SCARA5: variants seen among roughly 807,000 people sequenced by gnomAD.
SCARA5 encodes scavenger receptor class A, member 5 (putative).
SCARA5 carries 45 observed loss-of-function variants against 46.3 expected under a neutral mutation model. That is an observed-to-expected ratio of 0.97 (90% CI 0.76 to 1.24). SCARA5 has a LOEUF of 1.24. Among genes scored for constraint, SCARA5 ranks in the 50% most tolerant of loss-of-function variants. SCARA5 has a pLI of 0.00. For synonymous variants in SCARA5, 333 were observed against 306.5 expected (o/e 1.09, Z -0.90); for missense variants, 680 against 689.0 (o/e 0.99, Z 0.15).
At chr8:27,948,666 G>A (rs763824937) in intron 3 of SCARA5, among the ~76,000 whole-genome samples, 64 of 152,280 alleles carry the variant, frequency 4.2e-4, no homozygotes, top group Non-Finnish European at 7.9e-4. Context: ...CCCTCTCCAA[G>A]GAAGAAAAAC....
chr8:27,875,915 T>G (rs1353707962), intron 8 of SCARA5, among the ~76,000 whole-genome samples: 1 of 152,142 alleles, frequency 6.6e-6, no homozygotes, highest in East Asian at 1.9e-4. Flanking sequence ...GCAGGAGGAT[T>G]GCTTGAGCCT....
At chr8:27,958,240 G>A (rs1808236452) in intron 3 of SCARA5, among the ~76,000 whole-genome samples, 1 of 152,200 alleles carries the variant, frequency 6.6e-6, no homozygotes, top group Admixed American at 6.5e-5. Flanking sequence ...GCATCACCCT[G>A]GGCAGTGGAA....
At chr8:27,935,508 G>T (rs1807840154) in intron 3 of SCARA5, among the ~76,000 whole-genome samples, 1 of 152,168 alleles carries the variant, frequency 6.6e-6, no homozygotes, top group Non-Finnish European at 1.5e-5. Flanking sequence ...CTGGGAGCAG[G>T]TCTCTAGGGT....
chr8:27,981,006 C>T (rs1049195921), intron 2 of SCARA5, among the ~76,000 whole-genome samples: 5 of 152,152 alleles, frequency 3.3e-5, no homozygotes, highest in African/African-American at 9.7e-5. Context: ...TCATCTCTCC[C>T]TCTCCTTCTT....
intron 1 of SCARA5, among the ~76,000 whole-genome samples, chr8:27,990,511 A>G (rs1041588113): frequency 2.0e-5 from 3 of 152,086 alleles, no homozygotes; most frequent in African/African-American, 7.2e-5. Flanking sequence ...CGTCCCTCCC[A>G]TTTTAAACAT....
intron 2 of SCARA5, among the ~76,000 whole-genome samples, chr8:27,970,982 T>C (rs1265346909): frequency 6.6e-6 from 1 of 152,216 alleles, no homozygotes; most frequent in African/African-American, 2.4e-5. Context: ...CGGCAATAGA[T>C]AACTAACACA....
chr8:27,917,314 A>C (rs1807478467), intron 4 of SCARA5, among the ~76,000 whole-genome samples: 1 of 152,208 alleles, frequency 6.6e-6, no homozygotes, highest in Non-Finnish European at 1.5e-5. Flanking sequence ...CACCAGAAGA[A>C]CCATGGCAAA....
chr8:27,973,467 A>C (rs1808477098), intron 2 of SCARA5, among the ~76,000 whole-genome samples: 1 of 152,086 alleles, frequency 6.6e-6, no homozygotes, highest in Non-Finnish European at 1.5e-5. Flanking sequence ...ACAGAGTGAG[A>C]CTCTGTCTCA....
chr8:27,904,886 G>A, intron 6 of SCARA5, 52 bp from the exon 7 acceptor site: 1 of 1,431,130 alleles, frequency 7.0e-7, no homozygotes, highest in Admixed American at 2.0e-5. Context: ...TCCTAATTGT[G>A]AATAAAATAT....
At chr8:27,909,042 A>G (rs1189785642) in intron 5 of SCARA5, 4 of 152,206 alleles carry the variant, frequency 2.6e-5, no homozygotes, top group Non-Finnish European at 5.9e-5. Context: ...TCAGGAATGG[A>G]CAGACTGGCA....
intron 2 of SCARA5, among the ~76,000 whole-genome samples, chr8:27,984,957 A>G (rs1212969454): frequency 6.6e-6 from 1 of 151,974 alleles, no homozygotes; most frequent in Non-Finnish European, 1.5e-5. Context: ...TCATCCATCT[A>G]TCCATTCATT....
At chr8:27,951,208 C>T (rs1345066541) in intron 3 of SCARA5, among the ~76,000 whole-genome samples, 2 of 152,168 alleles carry the variant, frequency 1.3e-5, no homozygotes, top group Non-Finnish European at 2.9e-5. Context: ...CATATATGTG[C>T]CCCCAGAAAG....
chr8:27,947,096 C>T (rs1195149484), intron 3 of SCARA5, among the ~76,000 whole-genome samples: 3 of 151,756 alleles, frequency 2.0e-5, no homozygotes, highest in African/African-American at 7.3e-5. Context: ...ACTGCAACCT[C>T]TGCCTCCCAA....
rs909362066 is a variant in SCARA5 at position 27,875,572 on chromosome 8, A to G, written c.1352-3502T>C. ...AGCCTTCCAGCAGGAGGAGCAGCAC[A>G]GGAGAAGAGGTGGGACATGAAACAC... On this transcript the variant is annotated intron_variant, in intron 8 of 8. Transcript: ENST00000354914. Among the ~76,000 whole-genome samples the G allele has an allele frequency of 2.0e-5, 3 of 152,156 alleles. No homozygotes were observed. The East Asian group carries it at 5.8e-4, about 29-fold the overall frequency.
intron 7 of SCARA5, among the ~76,000 whole-genome samples, chr8:27,884,413 C>T (rs971711904): frequency 7.9e-5 from 12 of 152,252 alleles, no homozygotes; most frequent in Admixed American, 2.0e-4. Flanking sequence ...CCGGCCGCTG[C>T]GCGGGGCCTT....
intron 3 of SCARA5, among the ~76,000 whole-genome samples, chr8:27,926,762 G>C (rs1317878385): frequency 6.6e-6 from 1 of 152,148 alleles, no homozygotes; most frequent in Non-Finnish European, 1.5e-5. Context: ...AAACCTGAGA[G>C]GTAAGAATCT....
chr8:27,963,346 T>C (rs1808319362), intron 3 of SCARA5, among the ~76,000 whole-genome samples: 1 of 152,222 alleles, frequency 6.6e-6, no homozygotes, highest in Non-Finnish European at 1.5e-5. Context: ...TGGTCTCTAC[T>C]GTTCAAAAAT....
chr8:27,918,877 G>A (rs904107456), intron 4 of SCARA5, among the ~76,000 whole-genome samples: 9 of 2,852 alleles, frequency 3.2e-3, no homozygotes, highest in Non-Finnish European at 3.9e-3. Context: ...AGGGGAAGAA[G>A]GAGAAGGAGG....
At chr8:27,937,734 C>T (rs1484305831) in intron 3 of SCARA5, among the ~76,000 whole-genome samples, 1 of 152,166 alleles carries the variant, frequency 6.6e-6, no homozygotes, top group African/African-American at 2.4e-5. Context: ...TCTCCTGAGG[C>T]CTCTCTCCTT....
Sources: gnomAD v4.1 joint callset for allele counts (sites outside exome capture counted in the v4.1 genomes callset) on GRCh38, gnomAD v4.1.1 for gene constraint, MANE v1.5 for transcripts, NCBI Gene and HGNC (gene_info 2026-07-23, HGNC 2026-07-21) for gene names.